Variants in NRXN3 observed in about 807,000 individuals in gnomAD.
NRXN3 encodes the protein neurexin III.
NRXN3 carries 32 observed loss-of-function variants against 137.6 expected under a neutral mutation model. The observed-to-expected ratio is 0.23, with a 90% CI of 0.18 to 0.31. NRXN3 has a LOEUF of 0.31. Ranked by LOEUF, NRXN3 falls within the 10% of genes least tolerant of loss-of-function variation. The pLI is 1.00. For synonymous variants in NRXN3, 798 were observed against 784.5 expected, an observed-to-expected ratio of 1.02 and a Z score of -0.29; for missense variants, 1,574 against 2,062.5, an observed-to-expected ratio of 0.76 and a Z score of 4.59.
intron 4 of NRXN3, among the ~76,000 whole-genome samples, chr14:78,494,800 T>C (rs2095742750): frequency 6.6e-6 from 1 of 152,196 alleles, no homozygotes; most frequent in South Asian, 2.1e-4. Flanking sequence ...ACAGACTTTT[T>C]GTTGTCTGTC....
At chr14:78,858,212 G>A (rs1267756796) in intron 10 of NRXN3, among the ~76,000 whole-genome samples, 1 of 152,120 alleles carries the variant, frequency 6.6e-6, no homozygotes, top group African/African-American at 2.4e-5. Flanking sequence ...GAGGCAGTAG[G>A]AGAGCTGATG....
chr14:79,119,145 C>T (rs954039060), intron 15 of NRXN3, among the ~76,000 whole-genome samples: 7 of 152,148 alleles, frequency 4.6e-5, no homozygotes, highest in African/African-American at 1.7e-4. Flanking sequence ...TTTCTCATAA[C>T]ATTTCAAATA....
chr14:78,415,486 T>C (rs2093082422), intron 4 of NRXN3, among the ~76,000 whole-genome samples: 2 of 152,170 alleles, frequency 1.3e-5, no homozygotes. Context: ...TAGTCATTTA[T>C]GTGGTTGCAT....
chr14:78,260,677 T>TC (rs2070550529), intron 2 of NRXN3, among the ~76,000 whole-genome samples: 2 of 152,160 alleles, frequency 1.3e-5, no homozygotes, highest in African/African-American at 2.4e-5. Context: ...AACGGGAGTT[T>TC]CCCTGCAAAT....
intron 16 of NRXN3, among the ~76,000 whole-genome samples, chr14:79,496,872 G>A (rs1384003204): frequency 6.6e-6 from 1 of 152,174 alleles, no homozygotes; most frequent in Non-Finnish European, 1.5e-5. Context: ...CATGGGAGAG[G>A]GCATTTCAAC....
intron 1 of NRXN3, among the ~76,000 whole-genome samples, chr14:78,182,168 C>G (rs1433944183): frequency 6.6e-6 from 1 of 152,076 alleles, no homozygotes; most frequent in Non-Finnish European, 1.5e-5. Flanking sequence ...TCTGCAGGCC[C>G]TGCTGCAAGG....
At chr14:78,446,914 A>G (rs998323769) in intron 4 of NRXN3, among the ~76,000 whole-genome samples, 2 of 152,200 alleles carry the variant, frequency 1.3e-5, no homozygotes, top group African/African-American at 4.8e-5. Context: ...CTCAGGATGC[A>G]TGACATGGTC....
chr14:79,046,983 T>C (rs1404807827), intron 15 of NRXN3, among the ~76,000 whole-genome samples: 1 of 152,138 alleles, frequency 6.6e-6, no homozygotes, highest in Non-Finnish European at 1.5e-5. Context: ...CTTTAATCTC[T>C]CTAGGCCTTA....
intron 16 of NRXN3, among the ~76,000 whole-genome samples, chr14:79,538,505 C>T (rs868497255): frequency 1.3e-5 from 2 of 152,142 alleles, no homozygotes; most frequent in Non-Finnish European, 2.9e-5. Flanking sequence ...GATCCAGTTT[C>T]AGCTTTCTAC....
At chr14:79,574,430 C>T (rs943325277) in intron 16 of NRXN3, among the ~76,000 whole-genome samples, 1 of 152,102 alleles carries the variant, frequency 6.6e-6, no homozygotes, top group African/African-American at 2.4e-5. Flanking sequence ...TAGTATTTAT[C>T]TTTGTACTAT....
chr14:79,119,904 T>A lies in NRXN3; in HGVS notation c.3262+131763T>A, dbSNP rs548692640. 2.0e-5 allele frequency among the ~76,000 whole-genome samples: 3 copies of A among 152,284 alleles called. No homozygotes were observed. In the South Asian group the frequency reaches 6.2e-4, roughly 32 times the overall value. On this transcript the variant is annotated intron_variant, in intron 15 of 20. Coordinates refer to ENST00000335750, the MANE Select transcript of NRXN3 (RefSeq NM_001330195.2). ...AAACTAAAACATACATGTTCATATATTTTAGCATTCCCCTAATCATTGAAA... is the reference window on the plus strand; with the variant it reads ...AAACTAAAACATACATGTTCATATAATTTAGCATTCCCCTAATCATTGAAA...
intron 6 of NRXN3, among the ~76,000 whole-genome samples, chr14:78,682,104 G>A (rs1442323084): frequency 6.6e-5 from 10 of 152,042 alleles, no homozygotes; most frequent in Admixed American, 6.6e-4. Context: ...TTGACCTTGT[G>A]ATCCACCTGC....
intron 6 of NRXN3, among the ~76,000 whole-genome samples, chr14:78,686,463 A>G (rs766480135): frequency 3.3e-5 from 5 of 152,198 alleles, no homozygotes; most frequent in Admixed American, 2.0e-4. Context: ...GTGGAGCACA[A>G]CATTGGAAAA....
intron 15 of NRXN3, among the ~76,000 whole-genome samples, chr14:79,124,386 G>A (rs1326184624): frequency 3.3e-5 from 5 of 152,150 alleles, no homozygotes; most frequent in South Asian, 2.1e-4. Context: ...GGTCCTTAAT[G>A]TAAGCCATGT....
intron 16 of NRXN3, among the ~76,000 whole-genome samples, chr14:79,513,696 G>A (rs2096954837): frequency 6.6e-6 from 1 of 152,176 alleles, no homozygotes; most frequent in African/African-American, 2.4e-5. Context: ...AGCACTTCAG[G>A]AGCTAATCAG....
intron 19 of NRXN3, among the ~76,000 whole-genome samples, chr14:79,796,756 G>T (rs2099162110): frequency 6.6e-6 from 1 of 152,162 alleles, no homozygotes; most frequent in Non-Finnish European, 1.5e-5. Context: ...TATATGCATT[G>T]TGGAAAAGAA....
At chr14:78,541,384 C>A (rs937502808) in intron 4 of NRXN3, among the ~76,000 whole-genome samples, 1 of 152,086 alleles carries the variant, frequency 6.6e-6, no homozygotes, top group Non-Finnish European at 1.5e-5. Context: ...TCACTGATAC[C>A]CTTTCTTCCA....
intron 6 of NRXN3, among the ~76,000 whole-genome samples, chr14:78,690,980 C>G (rs768650518): frequency 6.6e-5 from 10 of 151,998 alleles, no homozygotes; most frequent in Non-Finnish European, 1.0e-4. Flanking sequence ...TCATCAGATG[C>G]GTGGGGGAAG....
intron 16 of NRXN3, among the ~76,000 whole-genome samples, chr14:79,561,981 G>C (rs1055908833): frequency 8.6e-5 from 13 of 151,978 alleles, no homozygotes; most frequent in African/African-American, 2.4e-4. Flanking sequence ...TTTCAGAAAG[G>C]GTTTAATGAC....
Sources: gnomAD v4.1 joint callset for allele counts (sites outside exome capture counted in the v4.1 genomes callset) on GRCh38, gnomAD v4.1.1 for gene constraint, MANE v1.5 for transcripts, NCBI Gene and HGNC (gene_info 2026-07-23, HGNC 2026-07-21) for gene names.